SI: variants seen among roughly 807,000 people sequenced by gnomAD.
SI encodes the protein sucrase-isomaltase, also known as sucrase-isomaltase, intestinal.
Under a neutral mutation model 253.3 loss-of-function variants are expected in SI, and 235 were observed. That is an observed-to-expected ratio of 0.93 (90% CI 0.83 to 1.03). The LOEUF is 1.03. Among genes scored for constraint, SI ranks in the 50% least tolerant of loss-of-function variants. SI has a pLI of 0.00. For synonymous variants in SI, 819 were observed against 712.0 expected (o/e 1.15, Z -2.39); for missense variants, 2,442 against 2,211.1 (o/e 1.10, Z -2.09).
intron 3 of SI, among the ~76,000 whole-genome samples, chr3:165,071,805 AAG>A (rs1354415633): frequency 6.6e-6 from 1 of 152,134 alleles, no homozygotes; most frequent in Non-Finnish European, 1.5e-5. Context: ...ACAAGCGAGA[AAG>A]AGAGGCCTCA....
intron 5 of SI, among the ~76,000 whole-genome samples, chr3:165,068,123 G>A (rs1714355459): frequency 6.6e-6 from 1 of 151,950 alleles, no homozygotes; most frequent in Admixed American, 6.6e-5. Flanking sequence ...AAAGTATTAT[G>A]TTGCATGTAT....
chr3:165,016,057 G>C lies in SI; in HGVS notation c.3783C>G (p.Asp1261Glu). 1.2e-6 allele frequency: 2 copies of C among 1,612,874 alleles called. No individual in the cohort carries two copies. Among genetic ancestry groups the C allele is most frequent in the Non-Finnish European group, 1.7e-6 (2 of 1,179,148 alleles). The change falls in exon 32 of 48, where the codon GAC becomes GAG. Residue 1261 changes from aspartate to glutamate, a missense_variant. By Grantham distance (45) the Asp-to-Glu change is conservative. Coordinates refer to ENST00000264382, the MANE Select transcript of SI (RefSeq NM_001041.4). ...IPYDVQYTDI[D>E]YMERQLDFTI... ...TAAAGTCTAGCTGCCTTTCCATGTA[G>C]TCAATGTCTGTGTACTGAACATCCT... is the stretch of plus-strand genomic sequence containing the variant.
chr3:165,075,033 T>C (rs562512748), intron 2 of SI, among the ~76,000 whole-genome samples: 2 of 151,976 alleles, frequency 1.3e-5, no homozygotes, highest in Non-Finnish European at 2.9e-5. Flanking sequence ...GAAAAACATA[T>C]AGAGAAGGTG....
chr3:165,052,580 C>A (rs1713487782), intron 13 of SI, among the ~76,000 whole-genome samples: 1 of 151,980 alleles, frequency 6.6e-6, no homozygotes, highest in African/African-American at 2.4e-5. Context: ...TCTTTTGAAC[C>A]TGGGTGGCGG....
At position 164,992,329 on chromosome 3, in the gene SI, G is replaced by A. The variant is rs1717792609; in HGVS notation, c.4910C>T (p.Thr1637Ile). The change falls in exon 42 of 48, where the codon ACC becomes ATC. Residue 1637 changes from threonine to isoleucine, a missense_variant. By Grantham distance (89) the Thr-to-Ile change is moderately conservative. Transcript: ENST00000264382. ...AGGACTTACAGGTTCCAGTACTGGG[G>A]TAACCATAAATGCTGGACCCCATAA... is the stretch of plus-strand genomic sequence containing the variant. The part of the protein sequence containing the change: ...QFLWGPAFMV[T>I]PVLEPYVQTV... The A allele has an allele frequency of 2.5e-6, 4 of 1,613,212 alleles. No homozygotes were observed. The highest frequency in any genetic ancestry group is 3.4e-6 in the Non-Finnish European group (4 of 1,179,524).
the SI span, among the ~76,000 whole-genome samples, chr3:165,085,768 A>C: frequency 6.6e-6 from 1 of 152,188 alleles, no homozygotes; most frequent in Non-Finnish European, 1.5e-5. Context: ...AAATGAGAGA[A>C]TCAGCCATTG....
intron 25 of SI, among the ~76,000 whole-genome samples, chr3:165,025,101 G>T (rs1711840733): frequency 6.6e-6 from 1 of 151,004 alleles, no homozygotes; most frequent in Non-Finnish European, 1.5e-5. Context: ...TTTCCTCCTT[G>T]GCTAAAGTTT....
At chr3:165,036,558 C>T (rs1352792848) in intron 21 of SI, 81 bp from the exon 22 acceptor site, 16 of 947,132 alleles carry the variant, frequency 1.7e-5, no homozygotes, top group Non-Finnish European at 2.5e-5. Flanking sequence ...TCCACTTCAA[C>T]CTGTCTGTTT....
Position 164,994,268 on chromosome 3 carries a change from G to T in SI, c.4830C>A (p.Pro1610=). The T allele has an allele frequency of 6.2e-7, 1 of 1,610,610 alleles. No individual in the cohort carries two copies. ...IHANGGTVIR[P]LLHEFFDEKP... The stretch of plus-strand genomic sequence containing the variant: ...AACTTTGTACTTACTCATGCAAAAG[G>T]GGTCGGATAACAGTGCCACCATTAG... Residue 1610 remains proline, a synonymous_variant, in exon 41 of 48, where the codon CCC becomes CCA. Coordinates refer to ENST00000264382, the MANE Select transcript of SI (RefSeq NM_001041.4).
chr3:165,010,750 A>G (rs566592832), intron 34 of SI, among the ~76,000 whole-genome samples: 1 of 152,274 alleles, frequency 6.6e-6, no homozygotes, highest in African/African-American at 2.4e-5. Context: ...AATCAGGTAC[A>G]TGTAATCCAA....
chr3:164,985,548 T>C (rs983989535), intron 45 of SI, among the ~76,000 whole-genome samples: 4 of 152,214 alleles, frequency 2.6e-5, no homozygotes, highest in Admixed American at 1.3e-4. Flanking sequence ...AATGGATTAT[T>C]TCTTATGGTT....
intron 27 of SI, among the ~76,000 whole-genome samples, chr3:165,020,502 C>T (rs1427765891): frequency 6.6e-6 from 1 of 151,406 alleles, no homozygotes; most frequent in Non-Finnish European, 1.5e-5. Flanking sequence ...GCCCTTGCAC[C>T]AGGATATTTT....
At chr3:165,050,460 G>A (rs1713370229) in intron 13 of SI, among the ~76,000 whole-genome samples, 1 of 152,050 alleles carries the variant, frequency 6.6e-6, no homozygotes, top group African/African-American at 2.4e-5. Flanking sequence ...AACATCTCTT[G>A]AAGAAATAGT....
chr3:165,087,435 G>C, the SI span, among the ~76,000 whole-genome samples: 1 of 152,134 alleles, frequency 6.6e-6, no homozygotes, highest in African/African-American at 2.4e-5. Flanking sequence ...GAAAATATAT[G>C]ACCTAAAGCC....
intron 24 of SI, among the ~76,000 whole-genome samples, chr3:165,032,311 C>G (rs1231843642): frequency 6.6e-6 from 1 of 150,852 alleles, no homozygotes; most frequent in African/African-American, 2.4e-5. Context: ...AAGGAATTCC[C>G]TTCATGTTGA....
At chr3:164,981,282 A>T (rs761730870) in intron 47 of SI, among the ~76,000 whole-genome samples, 1 of 152,016 alleles carries the variant, frequency 6.6e-6, no homozygotes, top group African/African-American at 2.4e-5. Context: ...GGAAAACCCC[A>T]CTTGTCAACA....
intron 43 of SI, 131 bp from the exon 44 acceptor site, chr3:164,991,608 G>T: frequency 1.0e-6 from 1 of 974,534 alleles, no homozygotes. Context: ...CATTTATTCA[G>T]AAAATCTTAA....
chr3:164,993,664 G>A (rs1200134566), intron 41 of SI, among the ~76,000 whole-genome samples: 1 of 151,624 alleles, frequency 6.6e-6, no homozygotes, highest in Non-Finnish European at 1.5e-5. Context: ...ATAAGAATTT[G>A]ATTGTATTCA....
Position 165,021,392 on chromosome 3 carries a change from GA to G in SI, c.3100-10del. 1 of 1,607,312 alleles carries G rather than the reference GA, an allele frequency of 6.2e-7. No homozygotes were observed. Among genetic ancestry groups the G allele is most frequent in the African/African-American group, 1.3e-5 (1 of 74,682 alleles). ...TTTTGGGGATCATAAATCTATTGCAGATAAGTAGTAAAAAAGTTTATTCTGA... is the reference window on the plus strand; with the variant it reads ...TTTTGGGGATCATAAATCTATTGCAGTAAGTAGTAAAAAAGTTTATTCTGA... On this transcript the variant is annotated splice_polypyrimidine_tract_variant and intron_variant, in intron 26 of 47. Coordinates refer to ENST00000264382, the MANE Select transcript of SI (RefSeq NM_001041.4).
Sources: gnomAD v4.1 joint callset for allele counts (sites outside exome capture counted in the v4.1 genomes callset) on GRCh38, gnomAD v4.1.1 for gene constraint, MANE v1.5 for transcripts, NCBI Gene and HGNC (gene_info 2026-07-23, HGNC 2026-07-21) for gene names.